KLF17: variants seen among roughly 807,000 people sequenced by gnomAD.
KLF17 encodes the protein KLF transcription factor 17.
Under a neutral mutation model 34.2 loss-of-function variants are expected in KLF17, and 31 were observed. The observed-to-expected ratio is 0.91, with a 90% CI of 0.68 to 1.22. KLF17 has a LOEUF of 1.22. Ranked by LOEUF, KLF17 falls within the 50% of genes most tolerant of loss-of-function variation. KLF17 has a pLI of 0.00. For missense variants in KLF17, 478 were observed against 505.2 expected, an observed-to-expected ratio of 0.95 and a Z score of 0.52; for synonymous variants, 179 against 186.7, an observed-to-expected ratio of 0.96 and a Z score of 0.34.
At position 44,121,059 on chromosome 1, in the gene KLF17, A is replaced by G. The variant is rs988417780; in HGVS notation, c.81+2071A>G. On this transcript the variant is annotated intron_variant, in intron 1 of 3. Transcript: ENST00000372299. Reference sequence around the variant, plus strand: ...ACTCTTCTAGAGTTTTTTTTAAAAAATGAACATTTTTCTCTATAGCCAAAA... The same window carrying G: ...ACTCTTCTAGAGTTTTTTTTAAAAAGTGAACATTTTTCTCTATAGCCAAAA... Among the ~76,000 whole-genome samples, 8 of 152,176 alleles carry G rather than the reference A, an allele frequency of 5.3e-5. 1 individual carries two copies. The highest frequency in any genetic ancestry group is 1.9e-4 in the African/African-American group (8 of 41,450).
the KLF17 span, among the ~76,000 whole-genome samples, chr1:44,052,761 A>G: frequency 1.3e-5 from 2 of 152,218 alleles, no homozygotes; most frequent in African/African-American, 2.4e-5. Context: ...GAGCATCCTG[A>G]AGGACTTGAC....
At chr1:44,067,456 A>G in the KLF17 span, among the ~76,000 whole-genome samples, 1 of 152,210 alleles carries the variant, frequency 6.6e-6, no homozygotes, top group Non-Finnish European at 1.5e-5. Flanking sequence ...GTCTGACATG[A>G]ATATTCTTGT....
At chr1:44,059,996 C>A in the KLF17 span, among the ~76,000 whole-genome samples, 1 of 152,066 alleles carries the variant, frequency 6.6e-6, no homozygotes, top group South Asian at 2.1e-4. Context: ...GAAAATATCT[C>A]CTCTAGAGAC....
chr1:44,047,166 T>C, the KLF17 span, among the ~76,000 whole-genome samples: 4 of 152,220 alleles, frequency 2.6e-5, no homozygotes, highest in Non-Finnish European at 4.4e-5. Context: ...TATTTTAAAA[T>C]GTACAAGAAG....
At chr1:44,127,690 CT>C (rs67082537) in intron 1 of KLF17, among the ~76,000 whole-genome samples, 8 of 32,150 alleles carry the variant, frequency 2.5e-4, no homozygotes, top group African/African-American at 6.5e-4. Context: ...TTCTTTCTTT[CT>C]TTTTCTTTCT....
At position 44,129,378 on chromosome 1, in the gene KLF17, T is replaced by C. The variant is rs1173205062; in HGVS notation, c.107T>C (p.Leu36Ser). The change falls in exon 2 of 4, where the codon TTG becomes TCG. Residue 36 changes from leucine (L) to serine (S), a missense_variant. By Grantham distance (145) the Leu-to-Ser change is moderately radical. Transcript: ENST00000372299. ...AQDNENSAPI[L>S]NMSSSSGSSG... ...GATAACGAGAACTCAGCGCCCATCT[T>C]GAACATGTCTTCATCTTCTGGAAGC... The C allele has an allele frequency of 6.6e-7, 1 of 1,518,896 alleles. No homozygotes were observed. Among genetic ancestry groups the C allele is most frequent in the South Asian group, 1.3e-5 (1 of 75,494 alleles). 94.1% of individuals were successfully genotyped at this position (1,518,896 alleles called of 1,614,324 possible).
At chr1:44,119,434 T>C (rs1413185427) in intron 1 of KLF17, among the ~76,000 whole-genome samples, 2 of 150,804 alleles carry the variant, frequency 1.3e-5, no homozygotes, top group East Asian at 1.9e-4. Context: ...AAAATGTTAA[T>C]TGGAGCCCTA....
At chr1:44,107,471 A>G in the KLF17 span, among the ~76,000 whole-genome samples, 1 of 152,204 alleles carries the variant, frequency 6.6e-6, no homozygotes, top group Non-Finnish European at 1.5e-5. Flanking sequence ...CCTGAGGTCG[A>G]CCACACTCTG....
chr1:44,124,031 C>T (rs1402530896), intron 1 of KLF17, among the ~76,000 whole-genome samples: 2 of 151,732 alleles, frequency 1.3e-5, no homozygotes, highest in Non-Finnish European at 2.9e-5. Context: ...TGAACACTTT[C>T]GAAGAATGGA....
chr1:44,119,665 AC>A lies in KLF17; in HGVS notation c.81+680del, dbSNP rs968527942. ...TGAGACTCTGTTCTGGGACTAAAGA[AC>A]CCGTCAGGTGAAAGGTTCCCAGGTC... On this transcript the variant is annotated intron_variant, in intron 1 of 3. Transcript: ENST00000372299. Among the ~76,000 whole-genome samples, 3 of 152,248 alleles carry A rather than the reference AC, an allele frequency of 2.0e-5. No individual in the cohort carries two copies. In the East Asian group the frequency reaches 5.8e-4, roughly 29 times the overall value.
chr1:44,127,418 G>A (rs1474246226), intron 1 of KLF17, among the ~76,000 whole-genome samples: 1 of 151,916 alleles, frequency 6.6e-6, no homozygotes, highest in Non-Finnish European at 1.5e-5. Flanking sequence ...CTGTTGTCTG[G>A]ATGTAACTTT....
At chr1:44,047,223 C>A in the KLF17 span, among the ~76,000 whole-genome samples, 1 of 152,162 alleles carries the variant, frequency 6.6e-6, no homozygotes, top group Non-Finnish European at 1.5e-5. Flanking sequence ...GAAATGTTTT[C>A]TTTGCAAAGG....
the KLF17 span, among the ~76,000 whole-genome samples, chr1:44,056,741 G>A: frequency 2.6e-5 from 4 of 152,166 alleles, no homozygotes; most frequent in Non-Finnish European, 4.4e-5. Flanking sequence ...CACATGGCCA[G>A]GATGCTTGCA....
chr1:44,123,488 T>TTCAA (rs780326437), intron 1 of KLF17, among the ~76,000 whole-genome samples: 1 of 152,214 alleles, frequency 6.6e-6, no homozygotes, highest in Non-Finnish European at 1.5e-5. Flanking sequence ...ATTTCTCATG[T>TTCAA]TCAATCATTT....
the KLF17 span, among the ~76,000 whole-genome samples, chr1:44,063,784 A>G: frequency 6.6e-6 from 1 of 152,212 alleles, no homozygotes; most frequent in African/African-American, 2.4e-5. Context: ...GGCCATACCT[A>G]TAGTTAATAA....
At chr1:44,071,871 C>G in the KLF17 span, among the ~76,000 whole-genome samples, 4 of 152,134 alleles carry the variant, frequency 2.6e-5, no homozygotes, top group Non-Finnish European at 2.9e-5. Context: ...TGGCTACCTG[C>G]TGTCTGCTCC....
chr1:44,078,303 A>G, the KLF17 span, among the ~76,000 whole-genome samples: 2 of 152,116 alleles, frequency 1.3e-5, no homozygotes, highest in African/African-American at 4.8e-5. Context: ...CTGCTTTGTG[A>G]TACTGGAGCC....
chr1:44,100,079 TACACACACACACAC>T, the KLF17 span, among the ~76,000 whole-genome samples: 11 of 138,636 alleles, frequency 7.9e-5, no homozygotes, highest in Admixed American at 2.2e-4. Context: ...CTACTAAAAA[TACACACACACACAC>T]ACACACACAC....
chr1:44,046,357 A>G, the KLF17 span, among the ~76,000 whole-genome samples: 2 of 151,830 alleles, frequency 1.3e-5, no homozygotes, highest in Non-Finnish European at 2.9e-5. Context: ...AGCTGGGACT[A>G]CAGGTGCATG....
Sources: gnomAD v4.1 joint callset for allele counts (sites outside exome capture counted in the v4.1 genomes callset) on GRCh38, gnomAD v4.1.1 for gene constraint, MANE v1.5 for transcripts, NCBI Gene and HGNC (gene_info 2026-07-23, HGNC 2026-07-21) for gene names.